Variants in GRM7 observed in about 807,000 individuals in gnomAD.
GRM7 encodes metabotropic glutamate receptor 7.
A neutral mutation model predicts 84.5 loss-of-function variants in GRM7; 35 were observed. The observed-to-expected ratio is 0.41, with a 90% CI of 0.32 to 0.55. The LOEUF is 0.55. GRM7 is among the 20% of genes least tolerant of loss of function. GRM7 has a pLI of 0.19. For missense variants in GRM7, 1,003 were observed against 1,194.6 expected, an observed-to-expected ratio of 0.84 and a Z score of 2.36; for synonymous variants, 487 against 455.1, an observed-to-expected ratio of 1.07 and a Z score of -0.89.
chr3:6,904,508 T>C (rs1696498945), intron 1 of GRM7, among the ~76,000 whole-genome samples: 2 of 151,504 alleles, frequency 1.3e-5, no homozygotes, highest in South Asian at 2.1e-4. Flanking sequence ...ATAAGTTGTA[T>C]CGTTAGGTTA....
At chr3:7,368,562 T>C (rs1207927470) in intron 4 of GRM7, among the ~76,000 whole-genome samples, 2 of 152,070 alleles carry the variant, frequency 1.3e-5, no homozygotes, top group Admixed American at 6.6e-5. Flanking sequence ...AAATAGGAAG[T>C]GTGTGTTTTA....
intron 4 of GRM7, among the ~76,000 whole-genome samples, chr3:7,334,232 C>G (rs964226446): frequency 7.2e-5 from 11 of 151,902 alleles, no homozygotes; most frequent in African/African-American, 2.7e-4. Context: ...AAAGGAAAAC[C>G]TATCAGATTA....
chr3:7,710,461 C>A (rs73809683), intron 9 of GRM7, among the ~76,000 whole-genome samples: 3,153 of 151,704 alleles, frequency 0.021, 100 homozygotes, highest in African/African-American at 0.062. Flanking sequence ...CCTTGTTTTG[C>A]CTTGTCACTC....
chr3:6,930,711 C>T (rs1697470310), intron 1 of GRM7, among the ~76,000 whole-genome samples: 1 of 152,190 alleles, frequency 6.6e-6, no homozygotes, highest in Non-Finnish European at 1.5e-5. Flanking sequence ...GGAGTATCGT[C>T]AGCCAGACTG....
At chr3:7,038,377 A>G (rs1018035038) in intron 1 of GRM7, among the ~76,000 whole-genome samples, 2 of 152,156 alleles carry the variant, frequency 1.3e-5, no homozygotes, top group East Asian at 1.9e-4. Context: ...CCTACAAACT[A>G]TCTGCAGACT....
chr3:7,040,916 C>G (rs772364666), intron 1 of GRM7, among the ~76,000 whole-genome samples: 1 of 151,646 alleles, frequency 6.6e-6, no homozygotes, highest in Non-Finnish European at 1.5e-5. Flanking sequence ...AACCCAGTAT[C>G]TACAAAAACA....
intron 8 of GRM7, among the ~76,000 whole-genome samples, chr3:7,642,883 A>G (rs1441724568): frequency 6.6e-6 from 1 of 152,140 alleles, no homozygotes; most frequent in Non-Finnish European, 1.5e-5. Context: ...TTTATAGATC[A>G]TGAATGGATC....
chr3:7,574,368 C>T (rs1258061492), intron 7 of GRM7, among the ~76,000 whole-genome samples: 1 of 152,108 alleles, frequency 6.6e-6, no homozygotes, highest in Non-Finnish European at 1.5e-5. Flanking sequence ...CTATGTTGGC[C>T]AGGCTGGTCT....
chr3:7,303,493 C>T (rs1033857789), intron 3 of GRM7, among the ~76,000 whole-genome samples: 1 of 151,984 alleles, frequency 6.6e-6, no homozygotes, highest in African/African-American at 2.4e-5. Context: ...ATTCCTATCT[C>T]TATAGTCATA....
intron 9 of GRM7, among the ~76,000 whole-genome samples, chr3:7,697,088 C>G (rs74336287): frequency 1.1e-3 from 160 of 152,030 alleles, no homozygotes; most frequent in African/African-American, 3.7e-3. Flanking sequence ...AGAACCATGT[C>G]TTTCTTTCTA....
chr3:7,502,559 A>T (rs779946073), intron 7 of GRM7, among the ~76,000 whole-genome samples: 1 of 152,132 alleles, frequency 6.6e-6, no homozygotes, highest in Non-Finnish European at 1.5e-5. Context: ...AATCTGGGCA[A>T]ATGTTAATTC....
intron 1 of GRM7, among the ~76,000 whole-genome samples, chr3:6,982,442 G>C (rs1237980079): frequency 6.6e-6 from 1 of 152,090 alleles, no homozygotes; most frequent in African/African-American, 2.4e-5. Context: ...CCAGTGGGAA[G>C]AAAATAGAAG....
At chr3:7,105,487 A>G (rs73808681) in intron 1 of GRM7, among the ~76,000 whole-genome samples, 3 of 151,888 alleles carry the variant, frequency 2.0e-5, no homozygotes, top group African/African-American at 7.2e-5. Context: ...TTTTTCCTGC[A>G]TACCTTAGTA....
At position 7,527,729 on chromosome 3, in the gene GRM7, A is replaced by T. The variant is rs565362703; in HGVS notation, c.1516-50693A>T. On this transcript the variant is annotated intron_variant, in intron 7 of 9. Transcript: ENST00000357716. ...TGATGCCTAGTTTTTTAGAGCTTTT[A>T]TCATGAAAAGATGTTGAATGCTATC... Among the ~76,000 whole-genome samples, 5 of 152,148 alleles carry T rather than the reference A, an allele frequency of 3.3e-5. No individual in the cohort carries two copies. The East Asian group carries it at 7.7e-4, about 24-fold the overall frequency.
intron 1 of GRM7, among the ~76,000 whole-genome samples, chr3:6,987,397 GACAA>G (rs1559369069): frequency 7.5e-6 from 1 of 133,718 alleles, no homozygotes; most frequent in African/African-American, 3.1e-5. Flanking sequence ...GGTGCTGAAG[GACAA>G]AAAAAAAAAA....
At chr3:7,455,441 G>A (rs191804674) in intron 6 of GRM7, among the ~76,000 whole-genome samples, 14 of 152,128 alleles carry the variant, frequency 9.2e-5, no homozygotes, top group African/African-American at 3.4e-4. Context: ...GAGATAGCAC[G>A]TAAAAGAGGT....
intron 2 of GRM7, among the ~76,000 whole-genome samples, chr3:7,231,715 G>C (rs967098483): frequency 6.6e-6 from 1 of 152,190 alleles, no homozygotes; most frequent in Non-Finnish European, 1.5e-5. Flanking sequence ...GCCCATAAAT[G>C]TACAGATGAG....
In GRM7 at chr3:7,149,221, G is replaced by A. The variant is rs1026495512; in HGVS notation, c.736+2553G>A. On this transcript the variant is annotated intron_variant, in intron 2 of 9. Transcript: ENST00000357716. ...GAAAGAAAGATTATTAGCTTAAATG[G>A]TGTGGAGTAAGTCTACTCAGTTTTG... Among the ~76,000 whole-genome samples, 4 of 152,188 alleles carry A rather than the reference G, an allele frequency of 2.6e-5. No homozygotes were observed. The East Asian group carries it at 7.7e-4, about 29-fold the overall frequency.
intron 4 of GRM7, among the ~76,000 whole-genome samples, chr3:7,310,054 G>A (rs1483451237): frequency 6.6e-6 from 1 of 152,102 alleles, no homozygotes; most frequent in Non-Finnish European, 1.5e-5. Flanking sequence ...GAGTACTAAT[G>A]GCCTACGTTG....
Sources: allele counts gnomAD v4.1 joint callset (sites outside exome capture counted in the v4.1 genomes callset), GRCh38; gene constraint gnomAD v4.1.1; transcripts MANE v1.5; gene names NCBI Gene and HGNC (gene_info 2026-07-23, HGNC 2026-07-21).